The following PCDHA2 variants were observed in gnomAD, a reference collection of about 807,000 sequenced individuals.
PCDHA2 encodes the protein protocadherin alpha 2.
PCDHA2 carries 58 observed loss-of-function variants against 66.0 expected under a neutral mutation model. The observed-to-expected ratio is 0.88, with a 90% CI of 0.71 to 1.09. The LOEUF (loss-of-function observed/expected upper bound fraction) is 1.09, where lower values mean the gene tolerates loss of function less well. PCDHA2 is among the 50% of genes least tolerant of loss of function. PCDHA2 has a pLI of 0.00. For missense variants in PCDHA2, 1,267 were observed against 1,242.3 expected (o/e 1.02, Z -0.30); for synonymous variants, 634 against 554.0 (o/e 1.14, Z -2.03).
At chr5:140,821,978 A>G (rs1767138944) in intron 1 of PCDHA2, 1 of 1,614,038 alleles carries the variant, frequency 6.2e-7, no homozygotes. Flanking sequence ...GTGGCGTCCA[A>G]GGGCCGCGGG....
chr5:140,823,816 G>A (rs1447346470), intron 1 of PCDHA2: 1 of 1,613,806 alleles, frequency 6.2e-7, no homozygotes, highest in Admixed American at 1.7e-5. Context: ...CTCATCGCGG[G>A]CGTCGGCGGG....
chr5:140,823,389 C>G (rs199642773), intron 1 of PCDHA2: 2 of 1,612,876 alleles, frequency 1.2e-6, no homozygotes, highest in Non-Finnish European at 1.7e-6. Context: ...GCGCGCGCGA[C>G]GCGGGCGTGC....
intron 1 of PCDHA2, chr5:140,928,901 T>A (rs781842258): frequency 6.2e-7 from 1 of 1,614,212 alleles, no homozygotes. Flanking sequence ...TTTGAAGATG[T>A]CTGGGAACCA....
Position 140,808,895 on chromosome 5 carries a change from G to C in PCDHA2, c.2388+11543G>C, listed in dbSNP as rs781855860. On this transcript the variant is annotated intron_variant, in intron 1 of 3. Coordinates refer to ENST00000526136, the MANE Select transcript of PCDHA2 (RefSeq NM_018905.3). ...CGCGCCAGCACTGCTAGCGCCTCGG[G>C]CGGGTGGCACTGGTGGCGCAGTGAG... The C allele has an allele frequency of 2.9e-5, 47 of 1,613,372 alleles. No homozygotes were observed. The highest frequency in any genetic ancestry group is 3.9e-5 in the Non-Finnish European group (46 of 1,179,888).
intron 1 of PCDHA2, among the ~76,000 whole-genome samples, chr5:140,907,882 G>T (rs895415928): frequency 6.6e-6 from 1 of 152,168 alleles, no homozygotes; most frequent in Non-Finnish European, 1.5e-5. Context: ...GCACTCACAT[G>T]GGATACAAAT....
At chr5:140,940,616 G>A (rs1554213527) in intron 1 of PCDHA2, among the ~76,000 whole-genome samples, 3 of 152,002 alleles carry the variant, frequency 2.0e-5, no homozygotes, top group Non-Finnish European at 4.4e-5. Flanking sequence ...CCTGGCTCCT[G>A]CAAATATTCT....
At chr5:140,944,880 C>T (rs1275494519) in intron 1 of PCDHA2, among the ~76,000 whole-genome samples, 1 of 152,150 alleles carries the variant, frequency 6.6e-6, no homozygotes, top group Non-Finnish European at 1.5e-5. Flanking sequence ...ACCTACTCCA[C>T]TGTACAGTTC....
chr5:140,840,358 G>T (rs1180450322), intron 1 of PCDHA2, among the ~76,000 whole-genome samples: 2 of 151,928 alleles, frequency 1.3e-5, no homozygotes, highest in African/African-American at 4.8e-5. Context: ...AGGTAAAAAT[G>T]TCAGGTAGAA....
At chr5:140,824,256 C>A (rs1554129826) in intron 1 of PCDHA2, 2 of 1,360,236 alleles carry the variant, frequency 1.5e-6, no homozygotes, top group Non-Finnish European at 2.1e-6. Context: ...ACAATTATTG[C>A]ACTAATTCAT....
chr5:140,992,127 T>G (rs1237289084), intron 3 of PCDHA2, among the ~76,000 whole-genome samples: 1 of 151,584 alleles, frequency 6.6e-6, no homozygotes, highest in Non-Finnish European at 1.5e-5. Flanking sequence ...GGAAGAACAG[T>G]GACTGATGAT....
chr5:140,836,237 G>C (rs2150256194), intron 1 of PCDHA2: 6 of 1,613,720 alleles, frequency 3.7e-6, no homozygotes, highest in Non-Finnish European at 5.1e-6. Flanking sequence ...CGGCCGGTGC[G>C]AGCATCCCGT....
At chr5:140,823,295 T>G in intron 1 of PCDHA2, 3 of 1,612,260 alleles carry the variant, frequency 1.9e-6, no homozygotes, top group Non-Finnish European at 2.5e-6. Flanking sequence ...TCGAGTTACG[T>G]TTCGGTGCAC....
chr5:140,927,946 G>A (rs1341193072), intron 1 of PCDHA2: 1 of 1,614,096 alleles, frequency 6.2e-7, no homozygotes, highest in East Asian at 2.2e-5. Context: ...AGTACCTGAG[G>A]ACGCTGCCCC....
At chr5:140,829,906 G>T (rs2150177512) in intron 1 of PCDHA2, 12 of 1,613,982 alleles carry the variant, frequency 7.4e-6, no homozygotes, top group African/African-American at 1.3e-5. Context: ...GCTACAACGC[G>T]TGGCTTTCGT....
At chr5:140,875,893 C>T (rs781840611) in intron 1 of PCDHA2, 1 of 1,614,140 alleles carries the variant, frequency 6.2e-7, no homozygotes, top group Non-Finnish European at 8.5e-7. Flanking sequence ...ACAAAAGGTA[C>T]CTGTTTCTGA....
At chr5:140,851,652 C>T (rs628890) in intron 1 of PCDHA2, 5 of 909,694 alleles carry the variant, frequency 5.5e-6, no homozygotes, top group Middle Eastern at 5.6e-4. Flanking sequence ...TTCAAGAAGA[C>T]ATTCTCCTTT....
chr5:140,865,725 A>G (rs1326307411), intron 1 of PCDHA2: 1 of 152,210 alleles, frequency 6.6e-6, no homozygotes, highest in Non-Finnish European at 1.5e-5. Context: ...AGAAGCTGAG[A>G]TGTGTATCTA....
chr5:140,843,269 C>T, intron 1 of PCDHA2: 1 of 1,596,112 alleles, frequency 6.3e-7, no homozygotes, highest in Non-Finnish European at 8.6e-7. Flanking sequence ...TCTGCTGGTC[C>T]TGGTGAAGGA....
At position 140,802,367 on chromosome 5, in the gene PCDHA2, G is replaced by A. The variant is rs782105993; in HGVS notation, c.2388+5015G>A. The A allele has an allele frequency of 6.8e-6, 11 of 1,614,224 alleles. No individual in the cohort carries two copies. The South Asian group carries it at 9.9e-5, about 15-fold the overall frequency. On this transcript the variant is annotated intron_variant, in intron 1 of 3. Transcript: ENST00000526136. Reference sequence around the variant, plus strand: ...ATGGACAGGTCACCTGCTCGCTGACGCCCCACGTCCCCTTCAAGCTGGTGT... The same window carrying A: ...ATGGACAGGTCACCTGCTCGCTGACACCCCACGTCCCCTTCAAGCTGGTGT...
Sources: gnomAD v4.1 joint callset for allele counts (sites outside exome capture counted in the v4.1 genomes callset) on GRCh38, gnomAD v4.1.1 for gene constraint, MANE v1.5 for transcripts, NCBI Gene and HGNC (gene_info 2026-07-23, HGNC 2026-07-21) for gene names.